Variants in NKAIN1 observed in about 807,000 individuals in gnomAD.
NKAIN1 encodes the protein sodium/potassium-transporting ATPase subunit beta-1-interacting protein 1.
Under a neutral mutation model 31.6 loss-of-function variants are expected in NKAIN1, and 13 were observed. The ratio of observed to expected loss-of-function variants is 0.41; its 90% CI spans 0.27 to 0.65. The LOEUF is 0.65. Ranked by LOEUF, NKAIN1 falls within the 30% of genes least tolerant of loss-of-function variation. The probability of loss-of-function intolerance (pLI) is 0.30; values close to 1 mark genes in which losing one functional copy is unlikely to be tolerated. For synonymous variants in NKAIN1, 104 were observed against 109.0 expected, an observed-to-expected ratio of 0.95 and a Z score of 0.28; for missense variants, 193 against 262.2, an observed-to-expected ratio of 0.74 and a Z score of 1.82.
chr1:31,219,088 C>A (rs1005386976), intron 1 of NKAIN1, among the ~76,000 whole-genome samples: 1 of 152,244 alleles, frequency 6.6e-6, no homozygotes, highest in African/African-American at 2.4e-5. Context: ...CCCTCACATG[C>A]CTAAATATCT....
At chr1:31,183,789 G>T in intron 4 of NKAIN1, 28 bp downstream of exon 4, 1 of 1,597,252 alleles carries the variant, frequency 6.3e-7, no homozygotes, top group South Asian at 1.1e-5. Context: ...CGGGAAGTGT[G>T]TGTAGGGTGG....
At chr1:31,193,005 A>T (rs1412625043) in intron 1 of NKAIN1, among the ~76,000 whole-genome samples, 1 of 145,208 alleles carries the variant, frequency 6.9e-6, no homozygotes, top group African/African-American at 2.6e-5. Flanking sequence ...ATCTCTATTA[A>T]AAAAAAAAAA....
At chr1:31,210,054 C>T (rs1645455871) in intron 1 of NKAIN1, among the ~76,000 whole-genome samples, 1 of 151,328 alleles carries the variant, frequency 6.6e-6, no homozygotes, top group Admixed American at 6.6e-5. Flanking sequence ...TCATCCAACA[C>T]ATCATCCAGC....
At chr1:31,200,043 A>C (rs935671670) in intron 1 of NKAIN1, among the ~76,000 whole-genome samples, 1 of 151,736 alleles carries the variant, frequency 6.6e-6, no homozygotes, top group African/African-American at 2.4e-5. Flanking sequence ...ACACACATGC[A>C]CACGTGCACA....
intron 1 of NKAIN1, among the ~76,000 whole-genome samples, chr1:31,205,945 C>T (rs182200111): frequency 2.7e-5 from 4 of 150,800 alleles, no homozygotes; most frequent in East Asian, 2.0e-4. Context: ...TTAAACTCTC[C>T]GGTTTAGGCC....
In NKAIN1 at chr1:31,232,417, A is replaced by AG. The variant is rs1645658136; in HGVS notation, c.54+7076_54+7077insC. Among the ~76,000 whole-genome samples the AG allele has an allele frequency of 1.5e-4, 7 of 45,566 alleles. 1 individual carries two copies. The highest frequency in any genetic ancestry group is 2.9e-4 in the Admixed American group (1 of 3,428). 29.9% of individuals were successfully genotyped at this position (45,566 alleles called of 152,430 possible). On this transcript the variant is annotated intron_variant, in intron 1 of 6. Coordinates refer to ENST00000373736, the MANE Select transcript of NKAIN1 (RefSeq NM_024522.3). ...ACTTCATATATATATATATATATAT[A>AG]TATATATAGAGAGAGAGAGAGAGAG...
intron 1 of NKAIN1, among the ~76,000 whole-genome samples, chr1:31,195,443 T>TTGCCC (rs1013539672): frequency 5.9e-5 from 9 of 152,044 alleles, no homozygotes; most frequent in East Asian, 5.8e-4. Flanking sequence ...CTGCCTTGCC[T>TTGCCC]TGCCCTGCCC....
At chr1:31,193,065 T>A (rs1379372341) in intron 1 of NKAIN1, among the ~76,000 whole-genome samples, 1 of 150,440 alleles carries the variant, frequency 6.6e-6, no homozygotes, top group Non-Finnish European at 1.5e-5. Context: ...TATTATTTAT[T>A]TTTTTATTTT....
chr1:31,226,804 G>A (rs1479103609), intron 1 of NKAIN1, among the ~76,000 whole-genome samples: 1 of 151,888 alleles, frequency 6.6e-6, no homozygotes, highest in East Asian at 1.9e-4. Flanking sequence ...GATTACAGGC[G>A]TGAGCCACCG....
In NKAIN1 at chr1:31,196,207, C is replaced by T. The variant is rs531994623; in HGVS notation, c.55-8020G>A. On this transcript the variant is annotated intron_variant, in intron 1 of 6. Coordinates refer to ENST00000373736, the MANE Select transcript of NKAIN1 (RefSeq NM_024522.3). ...CAGCCTGGCCAACATGGTGAAACCCCGCCTCTACTAAAAATACAAAAATTG... is the reference window on the plus strand; with the variant it reads ...CAGCCTGGCCAACATGGTGAAACCCTGCCTCTACTAAAAATACAAAAATTG... 9.2e-5 allele frequency among the ~76,000 whole-genome samples: 14 copies of T among 151,770 alleles called. No homozygotes were observed. The East Asian group carries it at 1.4e-3, about 15-fold the overall frequency.
intron 1 of NKAIN1, among the ~76,000 whole-genome samples, chr1:31,200,342 T>C (rs1645370080): frequency 6.6e-6 from 1 of 152,164 alleles, no homozygotes; most frequent in Non-Finnish European, 1.5e-5. Context: ...CAATAAACAG[T>C]TATGAGATGT....
intron 1 of NKAIN1, among the ~76,000 whole-genome samples, chr1:31,215,071 G>A (rs1317894763): frequency 4.2e-5 from 5 of 120,308 alleles, no homozygotes; most frequent in African/African-American, 1.4e-4. Flanking sequence ...ATGTGACCTC[G>A]TGGGAGGAGA....
At chr1:31,228,372 C>T (rs1426949973) in intron 1 of NKAIN1, among the ~76,000 whole-genome samples, 1 of 152,100 alleles carries the variant, frequency 6.6e-6, no homozygotes, top group Non-Finnish European at 1.5e-5. Context: ...TTTCCATTTC[C>T]CCTACTGCCT....
At chr1:31,197,397 T>C (rs570626303) in intron 1 of NKAIN1, among the ~76,000 whole-genome samples, 16 of 151,786 alleles carry the variant, frequency 1.1e-4, no homozygotes, top group East Asian at 9.7e-4. Flanking sequence ...AGGCGTGAGC[T>C]ACCACGTCTG....
chr1:31,223,744 G>A (rs904932852), intron 1 of NKAIN1, among the ~76,000 whole-genome samples: 1 of 152,194 alleles, frequency 6.6e-6, no homozygotes, highest in Non-Finnish European at 1.5e-5. Context: ...ACGCCCAGCC[G>A]ACTGCTGGTA....
At chr1:31,196,280 G>A (rs141907943) in intron 1 of NKAIN1, among the ~76,000 whole-genome samples, 5,716 of 152,100 alleles carry the variant, frequency 0.038, 195 homozygotes, top group African/African-American at 0.089. Flanking sequence ...TTGGGAGGCC[G>A]AGGCGGGTGG....
At chr1:31,231,687 C>G (rs1431124142) in intron 1 of NKAIN1, among the ~76,000 whole-genome samples, 1 of 72,592 alleles carries the variant, frequency 1.4e-5, no homozygotes, top group Non-Finnish European at 2.8e-5. Flanking sequence ...CCCGCCACCA[C>G]GCCCGGCTAA....
intron 1 of NKAIN1, among the ~76,000 whole-genome samples, chr1:31,206,096 G>T (rs908700037): frequency 6.7e-6 from 1 of 149,984 alleles, no homozygotes; most frequent in Non-Finnish European, 1.5e-5. Context: ...TTAGCTGGGC[G>T]TGGTGGTGGG....
chr1:31,239,359 A>G lies in NKAIN1; in HGVS notation c.54+135T>C. On this transcript the variant is annotated intron_variant, in intron 1 of 6. Transcript: ENST00000373736. This position sits in a 1 kb window ranked among gnomAD's most constrained non-coding sequence, Gnocchi z 4.8. Reference sequence around the variant, plus strand: ...GCAGGCTCCGCCCGACCGCTCCGAGACTCCAGACCACCCCCCGCCCGGGCA... The same window carrying G: ...GCAGGCTCCGCCCGACCGCTCCGAGGCTCCAGACCACCCCCCGCCCGGGCA... The G allele has an allele frequency of 1.9e-6, 1 of 522,178 alleles. No homozygotes were observed. The highest frequency in any genetic ancestry group is 4.2e-5 in the South Asian group (1 of 23,704). The allele number at this position is 522,178 out of a possible 1,614,324, so 32.3% of individuals were successfully genotyped here.
Sources: gnomAD v4.1 joint callset for allele counts (sites outside exome capture counted in the v4.1 genomes callset) on GRCh38, gnomAD v4.1.1 for gene constraint, Gnocchi (gnomAD v3.1) non-coding constraint, MANE v1.5 for transcripts, NCBI Gene and HGNC (gene_info 2026-07-23, HGNC 2026-07-21) for gene names.